Variants in SLC6A17 observed in about 807,000 individuals in gnomAD.
SLC6A17 encodes sodium-dependent neutral amino acid transporter SLC6A17.
In SLC6A17, 21 loss-of-function variants were observed where a neutral mutation model predicts 64.5. That is an observed-to-expected ratio of 0.33 (90% CI 0.23 to 0.47). The LOEUF is 0.47. Ranked by LOEUF, SLC6A17 falls within the 20% of genes least tolerant of loss-of-function variation. SLC6A17 has a pLI of 1.00. For synonymous variants in SLC6A17, 372 were observed against 399.5 expected, an observed-to-expected ratio of 0.93 and a Z score of 0.82; for missense variants, 682 against 963.2, an observed-to-expected ratio of 0.71 and a Z score of 3.86.
intron 1 of SLC6A17, among the ~76,000 whole-genome samples, chr1:110,156,340 C>A: frequency 6.6e-6 from 1 of 152,222 alleles, no homozygotes; most frequent in East Asian, 1.9e-4. Context: ...CACTGCAGAA[C>A]TTCCCAACCA....
chr1:110,151,012 C>G (rs1655584270), intron 1 of SLC6A17, 129 bp downstream of exon 1: 1 of 152,246 alleles, frequency 6.6e-6, no homozygotes, highest in Non-Finnish European at 1.5e-5. Context: ...CGCATCCGCC[C>G]GACCCTGCGC....
At chr1:110,188,692 T>C (rs1656749977) in intron 6 of SLC6A17, among the ~76,000 whole-genome samples, 1 of 152,234 alleles carries the variant, frequency 6.6e-6, no homozygotes, top group African/African-American at 2.4e-5. Flanking sequence ...AGACACTCCA[T>C]TGAAAACAAA....
At chr1:110,182,912 G>A (rs1027108380) in intron 6 of SLC6A17, among the ~76,000 whole-genome samples, 48 of 152,130 alleles carry the variant, frequency 3.2e-4, no homozygotes, top group Admixed American at 6.5e-4. Flanking sequence ...GGAGTTTTGC[G>A]ATACAGGAGC....
At chr1:110,173,886 TGCC>T (rs1656304831) in intron 3 of SLC6A17, 84 bp from the exon 4 acceptor site, 2 of 1,545,404 alleles carry the variant, frequency 1.3e-6, no homozygotes. Flanking sequence ...TTTATGGCGC[TGCC>T]GACGTGCTGG....
chr1:110,182,366 C>A (rs1656552568), intron 6 of SLC6A17, among the ~76,000 whole-genome samples: 1 of 151,948 alleles, frequency 6.6e-6, no homozygotes. Context: ...ACATGGCAGG[C>A]TTAAAATATC....
At position 110,202,004 on chromosome 1, in the gene SLC6A17, G is replaced by C. The variant is rs1657140588; in HGVS notation, c.*3560G>C. 1 of 152,336 alleles carries C rather than the reference G, an allele frequency of 6.6e-6. No individual in the cohort carries two copies. The highest frequency in any genetic ancestry group is 3.4e-3 in the Middle Eastern group (1 of 294). 9.4% of individuals were successfully genotyped at this position (152,336 alleles called of 1,614,324 possible). ...CTCATTGAAAGCTCTGCTTTATACA[G>C]ACCCAAGCATACACACCAGGCCGTC... On this transcript the variant is annotated 3_prime_UTR_variant, in exon 12 of 12. Transcript: ENST00000331565.
chr1:110,188,893 T>C (rs1397093373), intron 6 of SLC6A17, among the ~76,000 whole-genome samples: 1 of 152,094 alleles, frequency 6.6e-6, no homozygotes, highest in Non-Finnish European at 1.5e-5. Flanking sequence ...AGGGAGCAAC[T>C]CCGAGGAAGC....
intron 1 of SLC6A17, among the ~76,000 whole-genome samples, chr1:110,162,064 TCTC>T (rs1275850846): frequency 6.6e-6 from 1 of 152,266 alleles, no homozygotes; most frequent in Non-Finnish European, 1.5e-5. Context: ...CCAAGGGCCT[TCTC>T]GGCACTCGTG....
At position 110,167,033 on chromosome 1, in the gene SLC6A17, A is replaced by G. The variant is rs746520004; in HGVS notation, c.104A>G (p.Gln35Arg). 5.0e-6 allele frequency: 8 copies of G among 1,612,844 alleles called. No individual in the cohort carries two copies. Among genetic ancestry groups the G allele is most frequent in the Non-Finnish European group, 8.5e-7 (1 of 1,179,504 alleles). The change falls in exon 2 of 12, where the codon CAG becomes CGG. Residue 35 changes from glutamine to arginine, a missense_variant. By Grantham distance (43) the Gln-to-Arg change is conservative. Transcript: ENST00000331565. ...LALEEPVDYK[Q>R]SVLNVAGEAG... is the part of the protein sequence containing the mutation. ...CTCGAGGAGCCTGTGGACTATAAGC[A>G]GAGTGTACTGAATGTGGCTGGTGAG...
rs766921668 is a variant in SLC6A17 at position 110,191,998 on chromosome 1, G to A, written c.891G>A (p.Val297=). ...TGGACAAGATGCTGGACCCCCAGGT[G>A]TGGCGGGAGGCAGCTACCCAGGTCT... ...PKLDKMLDPQ[V]WREAATQVFF... is the part of the protein sequence containing the mutation. Residue 297 remains valine (V), a synonymous_variant, in exon 7 of 12, where the codon GTG becomes GTA. Coordinates refer to ENST00000331565, the MANE Select transcript of SLC6A17 (RefSeq NM_001010898.4). 1 of 1,613,404 alleles carries A rather than the reference G, an allele frequency of 6.2e-7. No homozygotes were observed. The highest frequency in any genetic ancestry group is 1.7e-5 in the Admixed American group (1 of 60,028).
chr1:110,153,140 G>A (rs968063972), intron 1 of SLC6A17, among the ~76,000 whole-genome samples: 2 of 152,154 alleles, frequency 1.3e-5, no homozygotes, highest in Non-Finnish European at 2.9e-5. Context: ...CAGCACCACA[G>A]ACCTTGACTC....
At chr1:110,182,121 C>G (rs1255343099) in intron 6 of SLC6A17, among the ~76,000 whole-genome samples, 2 of 152,086 alleles carry the variant, frequency 1.3e-5, no homozygotes, top group Non-Finnish European at 2.9e-5. Flanking sequence ...GGGGTTTGAG[C>G]CCAGGTGATG....
At chr1:110,153,453 AG>A (rs1274421766) in intron 1 of SLC6A17, among the ~76,000 whole-genome samples, 1 of 151,924 alleles carries the variant, frequency 6.6e-6, no homozygotes, top group Non-Finnish European at 1.5e-5. Context: ...GAAGGAAATA[AG>A]GGGATCCCCA....
chr1:110,158,359 C>G (rs547965211), intron 1 of SLC6A17, among the ~76,000 whole-genome samples: 1 of 152,348 alleles, frequency 6.6e-6, no homozygotes, highest in South Asian at 2.1e-4. Context: ...GAGAACTGAG[C>G]CCCAGTATCC....
chr1:110,167,091 G>A lies in SLC6A17; in HGVS notation c.162G>A (p.Glu54=). The stretch of plus-strand genomic sequence containing the variant: ...GCAAGCAGAAGGCGGTGGAGGAGGA[G>A]CTGGATGCAGAGGACCGGCCGGCCT... ...AGGKQKAVEE[E]LDAEDRPAWN... is the part of the protein sequence containing the mutation. Residue 54 remains glutamate (E), a synonymous_variant, in exon 2 of 12, where the codon GAG becomes GAA. Transcript: ENST00000331565. The A allele has an allele frequency of 1.2e-6, 2 of 1,612,164 alleles. No homozygotes were observed. The highest frequency in any genetic ancestry group is 1.7e-6 in the Non-Finnish European group (2 of 1,179,384).
At chr1:110,162,779 G>A (rs1655949794) in intron 1 of SLC6A17, among the ~76,000 whole-genome samples, 1 of 152,122 alleles carries the variant, frequency 6.6e-6, no homozygotes, top group African/African-American at 2.4e-5. Flanking sequence ...AATGAGAGCT[G>A]AAGAAGAGGT....
chr1:110,152,647 C>A (rs1385241224), intron 1 of SLC6A17, among the ~76,000 whole-genome samples: 1 of 152,124 alleles, frequency 6.6e-6, no homozygotes, highest in African/African-American at 2.4e-5. Context: ...TAAGGAAAGG[C>A]TCTGTGATTG....
intron 6 of SLC6A17, 88 bp from the exon 7 acceptor site, chr1:110,191,884 G>A: frequency 6.5e-7 from 1 of 1,540,864 alleles, no homozygotes; most frequent in Non-Finnish European, 8.7e-7. Flanking sequence ...TCTGAACTCT[G>A]TTGAGGCTGA....
intron 1 of SLC6A17, among the ~76,000 whole-genome samples, chr1:110,158,815 A>G (rs752952815): frequency 2.6e-5 from 4 of 152,196 alleles, no homozygotes; most frequent in African/African-American, 7.2e-5. Context: ...TATTTCATCA[A>G]TTCCAAAATG....
Sources: allele counts gnomAD v4.1 joint callset (sites outside exome capture counted in the v4.1 genomes callset), GRCh38; gene constraint gnomAD v4.1.1; transcripts MANE v1.5; gene names NCBI Gene and HGNC (gene_info 2026-07-23, HGNC 2026-07-21).